The following PRIMA1 variants were observed in gnomAD, a reference collection of about 807,000 sequenced individuals.
PRIMA1 encodes proline rich membrane anchor 1, also known as proline-rich membrane anchor 1.
PRIMA1 carries 7 observed loss-of-function variants against 17.5 expected under a neutral mutation model. That is an observed-to-expected ratio of 0.40 (90% CI 0.23 to 0.75). The LOEUF is 0.75. PRIMA1 is among the 30% of genes least tolerant of loss of function. The pLI, the probability that PRIMA1 is intolerant of heterozygous loss-of-function variation, is 0.37. For synonymous variants in PRIMA1, 97 were observed against 77.9 expected, an observed-to-expected ratio of 1.25 and a Z score of -1.29; for missense variants, 200 against 201.8, an observed-to-expected ratio of 0.99 and a Z score of 0.05.
At chr14:93,728,690 A>G (rs991914533) in intron 4 of PRIMA1, among the ~76,000 whole-genome samples, 1 of 152,132 alleles carries the variant, frequency 6.6e-6, no homozygotes, top group Non-Finnish European at 1.5e-5. Flanking sequence ...ATGACAAAAG[A>G]AAAAGGCCCC....
intron 4 of PRIMA1, among the ~76,000 whole-genome samples, chr14:93,727,651 C>G (rs758138661): frequency 1.3e-4 from 20 of 152,176 alleles, no homozygotes; most frequent in Non-Finnish European, 2.8e-4. Context: ...GGGAACACCT[C>G]TGGGTAGAAG....
intron 3 of PRIMA1, among the ~76,000 whole-genome samples, chr14:93,775,854 T>G (rs1885202368): frequency 6.6e-6 from 1 of 152,156 alleles, no homozygotes; most frequent in African/African-American, 2.4e-5. Context: ...GGAAACCACC[T>G]CTCCCTGAGC....
At chr14:93,753,552 G>A (rs954986880) in intron 3 of PRIMA1, among the ~76,000 whole-genome samples, 1 of 152,168 alleles carries the variant, frequency 6.6e-6, no homozygotes, top group African/African-American at 2.4e-5. Context: ...GCAGGGAGCA[G>A]GCGCTGCTTC....
At chr14:93,785,903 T>TAC (rs34449933) in intron 2 of PRIMA1, among the ~76,000 whole-genome samples, 1,896 of 150,908 alleles carry the variant, frequency 0.013, 18 homozygotes, top group African/African-American at 0.023. Context: ...CACCCCTGCA[T>TAC]ACACACACAC....
At chr14:93,736,623 G>C (rs1394549044) in intron 4 of PRIMA1, among the ~76,000 whole-genome samples, 1 of 152,210 alleles carries the variant, frequency 6.6e-6, no homozygotes, top group East Asian at 1.9e-4. Context: ...GGACGCTCCT[G>C]GTCTATTGGC....
At chr14:93,757,110 T>G (rs1282028072) in intron 3 of PRIMA1, among the ~76,000 whole-genome samples, 1 of 152,058 alleles carries the variant, frequency 6.6e-6, no homozygotes, top group Non-Finnish European at 1.5e-5. Context: ...TCTAGAAAGT[T>G]TCCAAGCAGT....
chr14:93,767,262 A>G (rs1322043962), intron 3 of PRIMA1, among the ~76,000 whole-genome samples: 2 of 152,236 alleles, frequency 1.3e-5, no homozygotes, highest in Non-Finnish European at 2.9e-5. Flanking sequence ...GTGAATATTC[A>G]AAACAACCCT....
At chr14:93,734,393 C>A (rs1451243001) in intron 4 of PRIMA1, among the ~76,000 whole-genome samples, 1 of 152,198 alleles carries the variant, frequency 6.6e-6, no homozygotes, top group Non-Finnish European at 1.5e-5. Flanking sequence ...ATTCTTCCCC[C>A]TTCCTGCCTG....
chr14:93,770,160 C>G (rs1033194955), intron 3 of PRIMA1, among the ~76,000 whole-genome samples: 1 of 152,216 alleles, frequency 6.6e-6, no homozygotes, highest in African/African-American at 2.4e-5. Flanking sequence ...CAGCCCACCA[C>G]CACCATCTCT....
intron 3 of PRIMA1, among the ~76,000 whole-genome samples, chr14:93,773,751 A>G (rs991996869): frequency 2.6e-5 from 4 of 152,316 alleles, no homozygotes; most frequent in Admixed American, 2.6e-4. Context: ...TAGGAGGCCA[A>G]GCTGCCCTCT....
intron 3 of PRIMA1, among the ~76,000 whole-genome samples, chr14:93,767,870 C>G (rs1320448169): frequency 6.6e-6 from 1 of 152,162 alleles, no homozygotes; most frequent in East Asian, 1.9e-4. Flanking sequence ...CACTCAGGTT[C>G]ATATGAAATG....
intron 3 of PRIMA1, among the ~76,000 whole-genome samples, chr14:93,738,075 G>A (rs540772673): frequency 3.3e-5 from 5 of 152,172 alleles, no homozygotes; most frequent in South Asian, 2.1e-4. Flanking sequence ...GATTCAGCCC[G>A]TGGGGTGGGT....
intron 3 of PRIMA1, among the ~76,000 whole-genome samples, chr14:93,765,543 C>T (rs1013167980): frequency 1.3e-5 from 2 of 151,302 alleles, no homozygotes; most frequent in Admixed American, 1.3e-4. Flanking sequence ...TTTTGACCCT[C>T]TCATCAGCCC....
intron 3 of PRIMA1, among the ~76,000 whole-genome samples, chr14:93,744,579 C>G (rs2076204886): frequency 6.6e-6 from 1 of 152,222 alleles, no homozygotes; most frequent in Non-Finnish European, 1.5e-5. Context: ...GCCTCTGCAA[C>G]AAGCCCCTAT....
intron 3 of PRIMA1, among the ~76,000 whole-genome samples, chr14:93,738,122 A>C (rs147449107): frequency 6.6e-6 from 1 of 152,196 alleles, no homozygotes; most frequent in Non-Finnish European, 1.5e-5. Flanking sequence ...GGGTGGTCAA[A>C]ATTTGGAAAA....
intron 3 of PRIMA1, among the ~76,000 whole-genome samples, chr14:93,769,618 G>A (rs906886083): frequency 2.6e-5 from 4 of 152,196 alleles, no homozygotes; most frequent in Non-Finnish European, 4.4e-5. Context: ...GGTTTCATAA[G>A]GAGCCTGTCG....
intron 3 of PRIMA1, among the ~76,000 whole-genome samples, chr14:93,773,043 C>T (rs1885113401): frequency 6.6e-6 from 1 of 152,206 alleles, no homozygotes; most frequent in South Asian, 2.1e-4. Context: ...CCATTCTACA[C>T]ATTTGGAAAT....
intron 4 of PRIMA1, among the ~76,000 whole-genome samples, chr14:93,731,699 G>T (rs1359351223): frequency 6.6e-6 from 1 of 151,868 alleles, no homozygotes; most frequent in Non-Finnish European, 1.5e-5. Context: ...TTATTAATTT[G>T]CTGGTGTGTG....
At chr14:93,770,826 T>C (rs1047729082) in intron 3 of PRIMA1, among the ~76,000 whole-genome samples, 2 of 152,128 alleles carry the variant, frequency 1.3e-5, no homozygotes, top group Non-Finnish European at 2.9e-5. Context: ...GTGCCTGGCA[T>C]ATAGTAGATA....
Sources: gnomAD v4.1 joint callset for allele counts (sites outside exome capture counted in the v4.1 genomes callset) on GRCh38, gnomAD v4.1.1 for gene constraint, MANE v1.5 for transcripts, NCBI Gene and HGNC (gene_info 2026-07-23, HGNC 2026-07-21) for gene names.